The following MRPS6 variants were observed in gnomAD, a reference collection of about 807,000 sequenced individuals.
The protein encoded by MRPS6 is mitochondrial ribosomal protein S6.
Under a neutral mutation model 13.1 loss-of-function variants are expected in MRPS6, and 6 were observed. The observed-to-expected ratio is 0.46, with a 90% confidence interval of 0.25 to 0.91. The LOEUF is 0.91. Ranked by LOEUF, MRPS6 falls within the 40% of genes least tolerant of loss-of-function variation. The pLI, the probability that MRPS6 is intolerant of heterozygous loss-of-function variation, is 0.18. For synonymous variants in MRPS6, 61 were observed against 56.5 expected (o/e 1.08, Z -0.36); for missense variants, 164 against 155.6 (o/e 1.05, Z -0.29).
chr21:34,099,377 T>A, intron 1 of MRPS6: 2 of 1,000,286 alleles, frequency 2.0e-6, no homozygotes, highest in Non-Finnish European at 2.4e-6. Flanking sequence ...GGACAAATGG[T>A]TGTCAATGTT....
rs750848261 is a variant in MRPS6 at position 34,125,440 on chromosome 21, T to A, written c.145T>A (p.Tyr49Asn). 116 of 1,613,932 alleles carry A rather than the reference T, an allele frequency of 7.2e-5. No homozygotes were observed. The highest frequency in any genetic ancestry group is 9.2e-5 in the Non-Finnish European group (108 of 1,179,938). The change falls in exon 2 of 3, where the codon TAT becomes AAT. Residue 49 changes from tyrosine (Y) to asparagine (N), a missense_variant. Tyr to Asn is a moderately radical substitution (Grantham distance 143, BLOSUM62 -2). Coordinates refer to ENST00000399312, the MANE Select transcript of MRPS6 (RefSeq NM_032476.4). ...LENLGERALP[Y>N]RISAHSQQHN... ...AAACCTGGGTGAACGAGCGCTTCCTTATAGGATCTCTGCCCACAGTCAGCA... is the reference window on the plus strand; with the variant it reads ...AAACCTGGGTGAACGAGCGCTTCCTAATAGGATCTCTGCCCACAGTCAGCA...
intron 1 of MRPS6, among the ~76,000 whole-genome samples, chr21:34,094,064 T>C (rs1978849507): frequency 6.6e-6 from 1 of 152,250 alleles, no homozygotes; most frequent in South Asian, 2.1e-4. Flanking sequence ...GAGGTTGTTT[T>C]GGAAATACTG....
intron 1 of MRPS6, among the ~76,000 whole-genome samples, chr21:34,082,340 A>G (rs546959692): frequency 2.6e-5 from 4 of 152,298 alleles, no homozygotes; most frequent in East Asian, 1.9e-4. Context: ...AGGCTAAAAT[A>G]TACATGTAGG....
chr21:34,135,805 T>C, intron 2 of MRPS6: 1 of 530,980 alleles, frequency 1.9e-6, no homozygotes, highest in Non-Finnish European at 3.7e-6. Flanking sequence ...CTTGCTGTTG[T>C]TGTGGCCATG....
At chr21:34,125,311 TC>T (rs1980261740) in intron 1 of MRPS6, 29 bp from the exon 2 acceptor site, 1 of 1,603,836 alleles carries the variant, frequency 6.2e-7, no homozygotes, top group Admixed American at 1.7e-5. Flanking sequence ...TGCTTTTTTT[TC>T]TTTTCTTTAA....
chr21:34,083,661 A>T (rs1403421563), intron 1 of MRPS6, among the ~76,000 whole-genome samples: 1 of 152,218 alleles, frequency 6.6e-6, no homozygotes, highest in East Asian at 1.9e-4. Flanking sequence ...TGTATGAAGT[A>T]TAGTATCTTG....
chr21:34,108,467 T>C (rs1979570132), intron 1 of MRPS6, among the ~76,000 whole-genome samples: 1 of 152,144 alleles, frequency 6.6e-6, no homozygotes, highest in African/African-American at 2.4e-5. Context: ...ACTTTATGAT[T>C]GTACAAAGCA....
intron 1 of MRPS6, among the ~76,000 whole-genome samples, chr21:34,081,904 C>G (rs1253938288): frequency 6.6e-6 from 1 of 152,052 alleles, no homozygotes; most frequent in Non-Finnish European, 1.5e-5. Context: ...AAATACAGTT[C>G]TTGTTAAGTA....
chr21:34,118,047 T>C (rs1385736470), intron 1 of MRPS6, among the ~76,000 whole-genome samples: 1 of 152,186 alleles, frequency 6.6e-6, no homozygotes, highest in African/African-American at 2.4e-5. Context: ...TTTTCAACAT[T>C]ATTTTAAAAA....
In MRPS6 at chr21:34,135,346, G is replaced by GTTTT. The variant is rs747809642; in HGVS notation, c.186-7039_186-7036dup. On this transcript the variant is annotated intron_variant, in intron 2 of 2. Transcript: ENST00000399312. ...ATACCAGCAATGTATATGAGAGCCG[G>GTTTT]TTTTTTTTTTTTTTTTTTTTTTTTT... is the stretch of plus-strand genomic sequence containing the variant. 16 of 147,140 alleles carry GTTTT rather than the reference G, an allele frequency of 1.1e-4. 1 individual carries two copies. Among genetic ancestry groups the GTTTT allele is most frequent in the South Asian group, 1.8e-4 (2 of 11,206 alleles). The allele number at this position is 147,140 out of a possible 1,614,324, so 9.1% of individuals were successfully genotyped here.
intron 1 of MRPS6, among the ~76,000 whole-genome samples, chr21:34,114,458 C>T (rs75510334): frequency 5.3e-5 from 8 of 152,232 alleles, no homozygotes; most frequent in Admixed American, 1.3e-4. Context: ...TACTAGAGTG[C>T]GGTTCTCACA....
intron 1 of MRPS6, chr21:34,098,054 G>A (rs1979055938): frequency 2.0e-6 from 2 of 998,888 alleles, no homozygotes; most frequent in South Asian, 9.4e-5. Flanking sequence ...CAACAAGTCT[G>A]CCTGTAAAGT....
At chr21:34,090,196 A>T in intron 1 of MRPS6, among the ~76,000 whole-genome samples, 1 of 152,244 alleles carries the variant, frequency 6.6e-6, no homozygotes, top group East Asian at 1.9e-4. Context: ...CAGGCCAGTT[A>T]TATTAGGAAA....
chr21:34,104,622 T>C (rs1979397030), intron 1 of MRPS6: 3 of 1,000,224 alleles, frequency 3.0e-6, no homozygotes, highest in Non-Finnish European at 3.6e-6. Flanking sequence ...GAGGGAGAGA[T>C]TATTCTTGCC....
Position 34,139,192 on chromosome 21 carries a change from G to C in MRPS6, c.186-3216G>C, listed in dbSNP as rs576403141. Among the ~76,000 whole-genome samples the C allele has an allele frequency of 4.9e-3, 547 of 112,086 alleles. 6 individuals are homozygous for C. Among genetic ancestry groups the C allele is most frequent in the African/African-American group, 0.018 (516 of 27,912 alleles). 73.5% of individuals were successfully genotyped at this position (112,086 alleles called of 152,430 possible). ...CACACTCTGGGGACTGTTGTGGGGT[G>C]GGGGGAGGGGGGAGGGATAGCATTA... On this transcript the variant is annotated intron_variant, in intron 2 of 2. Transcript: ENST00000399312.
chr21:34,100,541 A>G, intron 1 of MRPS6: 1 of 1,000,234 alleles, frequency 1.0e-6, no homozygotes, highest in Non-Finnish European at 1.2e-6. Context: ...CTTGGCTCAA[A>G]GGATCCATTG....
At chr21:34,116,507 C>T (rs1360675177) in intron 1 of MRPS6, among the ~76,000 whole-genome samples, 4 of 151,942 alleles carry the variant, frequency 2.6e-5, no homozygotes, top group African/African-American at 9.7e-5. Context: ...TCCATTCATT[C>T]ACTATCCTAA....
chr21:34,124,285 C>A (rs1980223751), intron 1 of MRPS6: 1 of 152,232 alleles, frequency 6.6e-6, no homozygotes, highest in Non-Finnish European at 1.5e-5. Flanking sequence ...CTCTCAGCCA[C>A]CAGATTGTGG....
In MRPS6 at chr21:34,102,461, C is replaced by G. The variant is rs1398830543; in HGVS notation, c.46-22880C>G. ...GTAAGCACCTAATTTATCCAGTAACCAACAACCCTAACCATTGGCATATAT... is the reference window on the plus strand; with the variant it reads ...GTAAGCACCTAATTTATCCAGTAACGAACAACCCTAACCATTGGCATATAT... On this transcript the variant is annotated intron_variant, in intron 1 of 2. Coordinates refer to ENST00000399312, the MANE Select transcript of MRPS6 (RefSeq NM_032476.4). 13 of 999,868 alleles carry G rather than the reference C, an allele frequency of 1.3e-5. No individual in the cohort carries two copies. In the Admixed American group the frequency reaches 8.0e-4, roughly 62 times the overall value. The allele number at this position is 999,868 out of a possible 1,614,324, so 61.9% of individuals were successfully genotyped here. A position where few individuals can be genotyped will look rare whatever the true frequency, so the allele number is the denominator to read the frequency against.
Sources: allele counts gnomAD v4.1 joint callset (sites outside exome capture counted in the v4.1 genomes callset), GRCh38; gene constraint gnomAD v4.1.1; transcripts MANE v1.5; gene names NCBI Gene and HGNC (gene_info 2026-07-23, HGNC 2026-07-21).